The following DIPK1A variants were observed in gnomAD, a reference collection of about 807,000 sequenced individuals.
DIPK1A encodes family with sequence similarity 69 member A.
In DIPK1A, 27 loss-of-function variants were observed where a neutral mutation model predicts 40.8. The ratio of observed to expected loss-of-function variants is 0.66; its 90% CI spans 0.49 to 0.91. The LOEUF is 0.91. Among genes scored for constraint, DIPK1A ranks in the 40% least tolerant of loss-of-function variants. The pLI, the probability that DIPK1A is intolerant of heterozygous loss-of-function variation, is 0.00. For synonymous variants in DIPK1A, 166 were observed against 171.3 expected (o/e 0.97, Z 0.24); for missense variants, 412 against 505.7 (o/e 0.81, Z 1.78).
At position 92,895,195 on chromosome 1, in the gene DIPK1A, CA is replaced by C. The variant is rs1220197203; in HGVS notation, c.55-18766del. Among the ~76,000 whole-genome samples, 15 of 151,762 alleles carry C rather than the reference CA, an allele frequency of 9.9e-5. No individual in the cohort carries two copies. In the East Asian group the frequency reaches 2.9e-3, roughly 29 times the overall value. On this transcript the variant is annotated intron_variant, in intron 1 of 4. Transcript: ENST00000370310. ...CTGATACCAAAGCCTGGCAGAGACACAACAAAAAAAGAGAATTTTAGACCAA... is the reference window on the plus strand; with the variant it reads ...CTGATACCAAAGCCTGGCAGAGACACACAAAAAAAGAGAATTTTAGACCAA...
intron 1 of DIPK1A, among the ~76,000 whole-genome samples, chr1:92,890,462 T>C (rs921124430): frequency 2.0e-5 from 3 of 152,222 alleles, no homozygotes; most frequent in Non-Finnish European, 4.4e-5. Flanking sequence ...TTGTCATAGA[T>C]GGCCTTTATC....
intron 4 of DIPK1A, chr1:92,834,856 G>A (rs770243476): frequency 6.2e-7 from 1 of 1,607,440 alleles, no homozygotes; most frequent in Non-Finnish European, 8.5e-7. Context: ...ATGGTGTGAA[G>A]GTTGGCCTGA....
chr1:92,844,082 T>G lies in DIPK1A; in HGVS notation c.588A>C (p.Ala196=). Reference sequence around the variant, plus strand: ...GAAGAAATTCATTCAGTTGAAGAAGTGCCCATGCCGACTTTGCTTCTCCCA... The same window carrying G: ...GAAGAAATTCATTCAGTTGAAGAAGGGCCCATGCCGACTTTGCTTCTCCCA... The part of the protein sequence containing the change: ...VSLGEAKSAW[A]LLQLNEFLLM... The change falls in exon 5 of 5, where the codon GCA becomes GCC. Residue 196 remains alanine (A), a synonymous_variant. Transcript: ENST00000370310. 6.4e-7 allele frequency: 1 copy of G among 1,551,932 alleles called. No homozygotes were observed.
chr1:92,952,584 C>G (rs1055918452), intron 1 of DIPK1A, among the ~76,000 whole-genome samples: 1 of 152,128 alleles, frequency 6.6e-6, no homozygotes, highest in Non-Finnish European at 1.5e-5. Flanking sequence ...CATGATGACG[C>G]CACTGCACTC....
chr1:92,906,777 C>T (rs940575362), intron 1 of DIPK1A, among the ~76,000 whole-genome samples: 5 of 152,028 alleles, frequency 3.3e-5, no homozygotes, highest in Non-Finnish European at 7.4e-5. Flanking sequence ...CATGGAATTC[C>T]GTAGAGAATC....
At chr1:92,851,689 G>A (rs1331057603) in intron 2 of DIPK1A, among the ~76,000 whole-genome samples, 1 of 151,808 alleles carries the variant, frequency 6.6e-6, no homozygotes, top group African/African-American at 2.4e-5. Context: ...AAAAAATATG[G>A]TACCAATGAA....
chr1:92,908,599 C>A (rs1227859742), intron 1 of DIPK1A, among the ~76,000 whole-genome samples: 2 of 152,136 alleles, frequency 1.3e-5, no homozygotes, highest in South Asian at 4.1e-4. Flanking sequence ...TTAAAGACAA[C>A]CAGGTAGATA....
intron 2 of DIPK1A, among the ~76,000 whole-genome samples, chr1:92,852,638 T>C (rs1264244692): frequency 1.3e-5 from 2 of 151,826 alleles, no homozygotes; most frequent in Non-Finnish European, 2.9e-5. Flanking sequence ...TAGAAGGAAG[T>C]TTAAAATAAG....
intron 1 of DIPK1A, among the ~76,000 whole-genome samples, chr1:92,942,278 C>T (rs1329158053): frequency 2.6e-5 from 4 of 152,148 alleles, no homozygotes; most frequent in African/African-American, 9.7e-5. Flanking sequence ...CTTCTCTGTC[C>T]TGGGGGAATA....
At chr1:92,874,809 T>C (rs1648039096) in intron 2 of DIPK1A, among the ~76,000 whole-genome samples, 1 of 152,176 alleles carries the variant, frequency 6.6e-6, no homozygotes, top group Admixed American at 6.5e-5. Flanking sequence ...GATCAAATTC[T>C]GGTTCCATCA....
chr1:92,843,692 A>C lies in DIPK1A; in HGVS notation c.978T>G (p.Ile326Met), dbSNP rs1687471356. The C allele has an allele frequency of 6.4e-7, 1 of 1,550,814 alleles. No individual in the cohort carries two copies. The highest frequency in any genetic ancestry group is 8.7e-7 in the Non-Finnish European group (1 of 1,146,182). Residue 326 changes from isoleucine to methionine, a missense_variant, in exon 5 of 5, where the codon ATT (isoleucine) becomes ATG (methionine). Coordinates refer to ENST00000370310, the MANE Select transcript of DIPK1A (RefSeq NM_001006605.5). ...IVPETNLKELIKDRHCESDLD... is the reference protein window; with the variant it reads ...IVPETNLKELMKDRHCESDLD... ...AATCAGACTCACAGTGACGATCCTTAATAAGTTCTTTCAGGTTTGTCTCTG... is the reference window on the plus strand; with the variant it reads ...AATCAGACTCACAGTGACGATCCTTCATAAGTTCTTTCAGGTTTGTCTCTG...
At chr1:92,922,781 TTCGA>T (rs1650320630) in intron 1 of DIPK1A, among the ~76,000 whole-genome samples, 2 of 152,224 alleles carry the variant, frequency 1.3e-5, no homozygotes, top group Non-Finnish European at 2.9e-5. Flanking sequence ...GTCTGTAACC[TTCGA>T]GAATGAAACA....
intron 2 of DIPK1A, among the ~76,000 whole-genome samples, chr1:92,853,288 TTAATC>T (rs1227208796): frequency 1.3e-5 from 2 of 152,192 alleles, no homozygotes; most frequent in Non-Finnish European, 2.9e-5. Context: ...TTAAAACACT[TTAATC>T]TATAGATTGA....
downstream of DIPK1A, among the ~76,000 whole-genome samples, chr1:92,839,842 TCTTA>T (rs772428349): frequency 2.6e-5 from 4 of 152,116 alleles, no homozygotes; most frequent in East Asian, 3.9e-4. Context: ...CTTTTTGTTT[TCTTA>T]CTTTTTTTTT....
At position 92,842,617 on chromosome 1, in the gene DIPK1A, C is replaced by G; in HGVS notation, c.*766G>C. ...TTTATTTTAGTCTTGCACTTACAGTCCCACTTTCACATAGTTCAAAATCAG... is the reference window on the plus strand; with the variant it reads ...TTTATTTTAGTCTTGCACTTACAGTGCCACTTTCACATAGTTCAAAATCAG... On this transcript the variant is annotated 3_prime_UTR_variant, in exon 5 of 5. Coordinates refer to ENST00000370310, the MANE Select transcript of DIPK1A (RefSeq NM_001006605.5). 1 of 985,076 alleles carries G rather than the reference C, an allele frequency of 1.0e-6. No homozygotes were observed. Among genetic ancestry groups the G allele is most frequent in the Middle Eastern group, 5.2e-4 (1 of 1,914 alleles). The allele number at this position is 985,076 out of a possible 1,614,324, so 61.0% of individuals were successfully genotyped here.
intron 1 of DIPK1A, among the ~76,000 whole-genome samples, chr1:92,954,402 G>GA (rs1651763477): frequency 9.6e-6 from 1 of 104,300 alleles, no homozygotes; most frequent in Non-Finnish European, 1.7e-5. Context: ...TTTTGAGACA[G>GA]AGTCTCACTC....
At chr1:92,928,594 G>A (rs1650612931) in intron 1 of DIPK1A, among the ~76,000 whole-genome samples, 1 of 152,136 alleles carries the variant, frequency 6.6e-6, no homozygotes, top group Admixed American at 6.5e-5. Context: ...AGGTCTGCTG[G>A]TGATGAATTC....
chr1:92,850,423 A>G (rs1687779721), intron 3 of DIPK1A, among the ~76,000 whole-genome samples: 1 of 152,204 alleles, frequency 6.6e-6, no homozygotes, highest in Admixed American at 6.5e-5. Context: ...GCTGACATCT[A>G]TAATCCCAGC....
intron 1 of DIPK1A, among the ~76,000 whole-genome samples, chr1:92,887,964 AAAT>A (rs554193232): frequency 4.1e-4 from 63 of 152,094 alleles, no homozygotes; most frequent in African/African-American, 1.1e-3. Context: ...AGAATTTATT[AAAT>A]AATAATCTAG....
Sources: allele counts gnomAD v4.1 joint callset (sites outside exome capture counted in the v4.1 genomes callset), GRCh38; gene constraint gnomAD v4.1.1; transcripts MANE v1.5; gene names NCBI Gene and HGNC (gene_info 2026-07-23, HGNC 2026-07-21).